Variants in SOHLH2 observed in about 807,000 individuals in gnomAD.
SOHLH2 encodes spermatogenesis- and oogenesis-specific basic helix-loop-helix-containing protein 2.
In SOHLH2, 22 loss-of-function variants were observed where a neutral mutation model predicts 50.4. The ratio of observed to expected loss-of-function variants is 0.44; its 90% CI spans 0.31 to 0.62. The LOEUF is 0.62. Ranked by LOEUF, SOHLH2 falls within the 20% of genes least tolerant of loss-of-function variation. SOHLH2 has a pLI of 0.08. For missense variants in SOHLH2, 412 were observed against 504.4 expected, an observed-to-expected ratio of 0.82 and a Z score of 1.76; for synonymous variants, 185 against 187.3, an observed-to-expected ratio of 0.99 and a Z score of 0.10.
At chr13:36,189,033 G>A (rs938883561) in intron 6 of SOHLH2, among the ~76,000 whole-genome samples, 6 of 152,052 alleles carry the variant, frequency 3.9e-5, no homozygotes, top group Admixed American at 6.5e-5. Flanking sequence ...GTCCTTCTTC[G>A]TCAGTGGATG....
intron 1 of SOHLH2, 52 bp downstream of exon 1, chr13:36,214,427 G>GC: frequency 8.8e-6 from 14 of 1,588,266 alleles, no homozygotes; most frequent in Non-Finnish European, 1.2e-5. Flanking sequence ...CCGACCTAGG[G>GC]CCCGCCCGCG....
intron 1 of SOHLH2, among the ~76,000 whole-genome samples, chr13:36,205,622 A>G (rs907099107): frequency 6.6e-6 from 1 of 152,092 alleles, no homozygotes; most frequent in Admixed American, 6.6e-5. Context: ...AATGAATTCA[A>G]TGCCTTCACC....
intron 2 of SOHLH2, among the ~76,000 whole-genome samples, chr13:36,195,458 G>A (rs938955947): frequency 6.6e-6 from 1 of 152,222 alleles, no homozygotes; most frequent in African/African-American, 2.4e-5. Context: ...AAGAGCGAGG[G>A]AGGGCTGGGC....
At chr13:36,179,556 G>T (rs1488795143) in intron 6 of SOHLH2, among the ~76,000 whole-genome samples, 1 of 152,054 alleles carries the variant, frequency 6.6e-6, no homozygotes, top group Non-Finnish European at 1.5e-5. Context: ...TTACAGGTGT[G>T]TGCCACCAAA....
At chr13:36,194,812 C>T in intron 2 of SOHLH2, among the ~76,000 whole-genome samples, 2 of 152,234 alleles carry the variant, frequency 1.3e-5, no homozygotes, top group South Asian at 4.1e-4. Context: ...TACTTTAAAA[C>T]ATCATTTATT....
chr13:36,176,936 A>G (rs563842362), intron 6 of SOHLH2, among the ~76,000 whole-genome samples: 2 of 152,196 alleles, frequency 1.3e-5, no homozygotes, highest in African/African-American at 4.8e-5. Context: ...AAAATGCACA[A>G]TGAGTCCCAT....
chr13:36,213,615 G>A (rs1869249449), intron 1 of SOHLH2, among the ~76,000 whole-genome samples: 1 of 152,114 alleles, frequency 6.6e-6, no homozygotes, highest in Admixed American at 6.5e-5. Context: ...CACTTTTATC[G>A]AAAACAGTTA....
chr13:36,169,028 G>A lies in SOHLH2; in HGVS notation c.*6C>T. 1 of 1,606,332 alleles carries A rather than the reference G, an allele frequency of 6.2e-7. No individual in the cohort carries two copies. The highest frequency in any genetic ancestry group is 8.5e-7 in the Non-Finnish European group (1 of 1,177,656). The stretch of plus-strand genomic sequence containing the variant: ...GGTTGAGAGTGTGAATTTCAAACAT[G>A]TGCTTTTAATACGCCCAAAACTGTT... On this transcript the variant is annotated 3_prime_UTR_variant, in exon 11 of 11. Coordinates refer to ENST00000379881, the MANE Select transcript of SOHLH2 (RefSeq NM_017826.3).
At chr13:36,194,523 T>C (rs1035156361) in intron 2 of SOHLH2, among the ~76,000 whole-genome samples, 1 of 152,184 alleles carries the variant, frequency 6.6e-6, no homozygotes, top group East Asian at 1.9e-4. Context: ...GGGAGAAACA[T>C]GATGAGCCAG....
chr13:36,181,818 T>G (rs1887263501), intron 6 of SOHLH2, among the ~76,000 whole-genome samples: 2 of 152,208 alleles, frequency 1.3e-5, no homozygotes, highest in South Asian at 4.1e-4. Context: ...ATTATTTCCC[T>G]TCCGCCTGAA....
rs181278746 is a variant in SOHLH2 at position 36,174,405 on chromosome 13, G to A, written c.881+71C>T. 299 of 1,587,866 alleles carry A rather than the reference G, an allele frequency of 1.9e-4. No homozygotes were observed. The African/African-American group carries it at 3.2e-3, about 17-fold the overall frequency. The stretch of plus-strand genomic sequence containing the variant: ...TTTCACTGTGGATAGCAGTTTTTGT[G>A]TACATATTTAGCATCAACATGGGAG... On this transcript the variant is annotated intron_variant, in intron 8 of 10. Coordinates refer to ENST00000379881, the MANE Select transcript of SOHLH2 (RefSeq NM_017826.3).
In SOHLH2 at chr13:36,193,706, TC is replaced by T; in HGVS notation, c.344del (p.Gly115GlufsTer6). 1.2e-6 allele frequency: 2 copies of T among 1,612,026 alleles called. No individual in the cohort carries two copies. Among genetic ancestry groups the T allele is most frequent in the Non-Finnish European group, 8.5e-7 (1 of 1,179,580 alleles). On this transcript the variant is annotated frameshift_variant, in exon 4 of 11. Coordinates refer to ENST00000379881, the MANE Select transcript of SOHLH2 (RefSeq NM_017826.3). LOFTEE classifies it high-confidence loss of function. ...GTGGTTCAGTTAAAGCAATATCCATTCCATGCCCTGAAATACAACCTAAGAA... is the reference window on the plus strand; with the variant it reads ...GTGGTTCAGTTAAAGCAATATCCATTCATGCCCTGAAATACAACCTAAGAA... ...ENFKGCISGH[G>X]MDIALTEPLT... is the part of the protein sequence containing the mutation.
chr13:36,200,384 A>C (rs1053039312), intron 2 of SOHLH2, among the ~76,000 whole-genome samples: 3 of 151,958 alleles, frequency 2.0e-5, no homozygotes, highest in Non-Finnish European at 4.4e-5. Context: ...AAAGAAATGC[A>C]GACCAGTTGT....
At chr13:36,196,121 TAGA>T (rs1566043014) in intron 2 of SOHLH2, among the ~76,000 whole-genome samples, 5 of 141,252 alleles carry the variant, frequency 3.5e-5, no homozygotes, top group South Asian at 2.2e-4. Context: ...GATAGATAGA[TAGA>T]TAATTTTTTT....
chr13:36,199,623 G>T (rs978365549), intron 2 of SOHLH2, among the ~76,000 whole-genome samples: 1 of 152,126 alleles, frequency 6.6e-6, no homozygotes, highest in African/African-American at 2.4e-5. Flanking sequence ...TATACACTTG[G>T]TACCTTCATC....
At position 36,188,797 on chromosome 13, in the gene SOHLH2, G is replaced by C. The variant is rs542041714; in HGVS notation, c.641+1149C>G. On this transcript the variant is annotated intron_variant, in intron 6 of 10. Coordinates refer to ENST00000379881, the MANE Select transcript of SOHLH2 (RefSeq NM_017826.3). Reference sequence around the variant, plus strand: ...CTTTCTAAGGTTCTTTTCTCCACTAGTCCCTTCTCTACGTGCTTCCCACAA... The same window carrying C: ...CTTTCTAAGGTTCTTTTCTCCACTACTCCCTTCTCTACGTGCTTCCCACAA... Among the ~76,000 whole-genome samples, 32 of 152,120 alleles carry C rather than the reference G, an allele frequency of 2.1e-4. 1 individual carries two copies. In the South Asian group the frequency reaches 6.2e-3, roughly 30 times the overall value.
At chr13:36,196,228 C>T (rs1229080649) in intron 2 of SOHLH2, among the ~76,000 whole-genome samples, 3 of 150,882 alleles carry the variant, frequency 2.0e-5, no homozygotes, top group Admixed American at 6.6e-5. Flanking sequence ...CAAGCTCAAG[C>T]GATCCTGTAC....
At chr13:36,196,429 T>A (rs1887733241) in intron 2 of SOHLH2, among the ~76,000 whole-genome samples, 1 of 152,102 alleles carries the variant, frequency 6.6e-6, no homozygotes, top group African/African-American at 2.4e-5. Flanking sequence ...CCTAGCCTCG[T>A]ATACATATTT....
chr13:36,202,242 G>A, intron 1 of SOHLH2, 149 bp from the exon 2 acceptor site: 3 of 950,788 alleles, frequency 3.2e-6, no homozygotes, highest in Non-Finnish European at 4.6e-6. Flanking sequence ...TCAACTATAA[G>A]CAGCTCAAGG....
Sources: allele counts gnomAD v4.1 joint callset (sites outside exome capture counted in the v4.1 genomes callset), GRCh38; gene constraint gnomAD v4.1.1; transcripts MANE v1.5; gene names NCBI Gene and HGNC (gene_info 2026-07-23, HGNC 2026-07-21).